MPP7: variants seen among roughly 807,000 people sequenced by gnomAD.
MPP7 encodes MAGUK p55 scaffold protein 7, also known as MAGUK p55 subfamily member 7.
In MPP7, 60 loss-of-function variants were observed where a neutral mutation model predicts 76.5. The observed-to-expected ratio is 0.78, with a 90% confidence interval of 0.64 to 0.97. The LOEUF (loss-of-function observed/expected upper bound fraction) is 0.97. Among genes scored for constraint, MPP7 ranks in the 50% least tolerant of loss-of-function variants. The pLI is 0.00. For synonymous variants in MPP7, 237 were observed against 244.5 expected, an observed-to-expected ratio of 0.97 and a Z score of 0.29; for missense variants, 641 against 694.0, an observed-to-expected ratio of 0.92 and a Z score of 0.86.
intron 1 of MPP7, among the ~76,000 whole-genome samples, chr10:28,300,319 G>A (rs1841126623): frequency 6.6e-6 from 1 of 152,076 alleles, no homozygotes; most frequent in African/African-American, 2.4e-5. Context: ...CAAAGCTTCA[G>A]GTAAGAATAC....
intron 11 of MPP7, among the ~76,000 whole-genome samples, chr10:28,108,360 T>C (rs1345007193): frequency 6.6e-6 from 1 of 152,112 alleles, no homozygotes; most frequent in African/African-American, 2.4e-5. Flanking sequence ...AGCTGATCTC[T>C]AAATGTGTTT....
At chr10:28,207,415 G>A (rs1470653017) in intron 2 of MPP7, among the ~76,000 whole-genome samples, 3 of 152,128 alleles carry the variant, frequency 2.0e-5, no homozygotes, top group African/African-American at 7.2e-5. Flanking sequence ...TTATATTGGG[G>A]GCTGGGCACA....
At chr10:28,304,390 T>G (rs1431904885), upstream of MPP7, among the ~76,000 whole-genome samples, 2 of 152,072 alleles carry the variant, frequency 1.3e-5, no homozygotes, top group African/African-American at 4.8e-5. Flanking sequence ...AAAATGGAGA[T>G]AGACAAAAAG....
At chr10:28,214,213 C>T (rs1417079631) in intron 2 of MPP7, among the ~76,000 whole-genome samples, 1 of 152,170 alleles carries the variant, frequency 6.6e-6, no homozygotes, top group African/African-American at 2.4e-5. Context: ...AACTTCTCCT[C>T]AAATTCTTTT....
chr10:28,186,415 G>C (rs1483973587), intron 3 of MPP7, among the ~76,000 whole-genome samples: 3 of 151,634 alleles, frequency 2.0e-5, no homozygotes, highest in African/African-American at 7.3e-5. Context: ...TTATAATTCA[G>C]TTCTATACTT....
chr10:28,202,198 G>C lies in MPP7; in HGVS notation c.111C>G (p.Phe37Leu). The C allele has an allele frequency of 1.2e-6, 2 of 1,613,792 alleles. No homozygotes were observed. The highest frequency in any genetic ancestry group is 2.2e-5 in the South Asian group (2 of 91,066). Residue 37 changes from phenylalanine (F) to leucine (L), a missense_variant, in exon 3 of 17, where the codon TTC becomes TTG. By Grantham distance (22) the Phe-to-Leu change is conservative. Coordinates refer to ENST00000683449, the MANE Select transcript of MPP7 (RefSeq NM_001318170.2). ...PHVDSQEDLT[F>L]LWDMFGEKSL... Reference sequence around the variant, plus strand: ...TTTTTTCACCAAACATATCCCAGAGGAAGGTCAGGTCTTCCTGGCTATCCA... The same window carrying C: ...TTTTTTCACCAAACATATCCCAGAGCAAGGTCAGGTCTTCCTGGCTATCCA...
chr10:28,298,788 T>C (rs750656621), intron 1 of MPP7, among the ~76,000 whole-genome samples: 54 of 152,224 alleles, frequency 3.5e-4, no homozygotes, highest in Non-Finnish European at 7.3e-4. Context: ...TGTAGCCACC[T>C]TCATCAGTGA....
rs572028459 is a variant in MPP7, at chr10:28,153,804, G to A, written c.157-3745C>T. ...TGTACAGACTCCACCATGGTCATCT[G>A]CATTACATTACATTAAGTAAACTAA... On this transcript the variant is annotated intron_variant, in intron 3 of 16. Transcript: ENST00000683449. 3.7e-4 allele frequency among the ~76,000 whole-genome samples: 57 copies of A among 152,182 alleles called. No individual in the cohort carries two copies. In the South Asian group the frequency reaches 7.7e-3, roughly 21 times the overall value.
chr10:28,082,430 T>TCTCCTCCTTC (rs1173626378), intron 12 of MPP7, among the ~76,000 whole-genome samples: 1 of 151,144 alleles, frequency 6.6e-6, no homozygotes, highest in Non-Finnish European at 1.5e-5. Flanking sequence ...CTTCTCTCCT[T>TCTCCTCCTTC]CTCCTCCTTC....
At chr10:28,327,574 T>C (rs1564773829) in intron 2 of MPP7, among the ~76,000 whole-genome samples, 1 of 152,224 alleles carries the variant, frequency 6.6e-6, no homozygotes, top group Non-Finnish European at 1.5e-5. Context: ...TTATCTGAGT[T>C]CTAGTTTATT....
chr10:28,303,116 G>A (rs1191661334), upstream of MPP7, among the ~76,000 whole-genome samples: 1 of 150,138 alleles, frequency 6.7e-6, no homozygotes, highest in Non-Finnish European at 1.5e-5. Flanking sequence ...GCGGGGCGGG[G>A]CTGCACCGCC....
At chr10:28,172,721 G>C (rs556661617) in intron 3 of MPP7, among the ~76,000 whole-genome samples, 1 of 152,286 alleles carries the variant, frequency 6.6e-6, no homozygotes, top group South Asian at 2.1e-4. Context: ...TTACACTAAT[G>C]ATTGCTTCTC....
chr10:28,278,947 A>AT (rs1237045452), intron 1 of MPP7, among the ~76,000 whole-genome samples: 2 of 152,026 alleles, frequency 1.3e-5, no homozygotes, highest in Non-Finnish European at 2.9e-5. Context: ...AAAAGGATCC[A>AT]TATCTCTTGC....
At chr10:28,125,872 C>A (rs1468669974) in intron 6 of MPP7, among the ~76,000 whole-genome samples, 1 of 152,184 alleles carries the variant, frequency 6.6e-6, no homozygotes, top group Non-Finnish European at 1.5e-5. Context: ...CTTGTAAGAA[C>A]AACAGGCACA....
At chr10:28,309,745 G>A (rs2368307) in intron 2 of MPP7, among the ~76,000 whole-genome samples, 54,312 of 151,892 alleles carry the variant, frequency 0.36, 9,970 homozygotes, top group East Asian at 0.54. Flanking sequence ...GGTCGTGGGG[G>A]CGGATCCCTC....
chr10:28,056,211 G>T (rs1179664121), intron 16 of MPP7, among the ~76,000 whole-genome samples: 1 of 152,028 alleles, frequency 6.6e-6, no homozygotes, highest in Non-Finnish European at 1.5e-5. Flanking sequence ...AGGCTGGAGT[G>T]TAGTAGTGTG....
chr10:28,053,262 T>C lies in MPP7; in HGVS notation c.*803A>G, dbSNP rs917657574. The C allele has an allele frequency of 1.3e-5, 2 of 152,192 alleles. No homozygotes were observed. The highest frequency in any genetic ancestry group is 6.5e-5 in the Admixed American group (1 of 15,278). The allele number at this position is 152,192 out of a possible 1,614,324, so 9.4% of individuals were successfully genotyped here. ...TAAAATAACATTTTGGGTGACTTCATAAATTGTCTTCTGAGGAATTACAAA... is the reference window on the plus strand; with the variant it reads ...TAAAATAACATTTTGGGTGACTTCACAAATTGTCTTCTGAGGAATTACAAA... On this transcript the variant is annotated 3_prime_UTR_variant, in exon 17 of 17. Coordinates refer to ENST00000683449, the MANE Select transcript of MPP7 (RefSeq NM_001318170.2).
At chr10:28,288,488 A>C (rs1280698643) in intron 1 of MPP7, among the ~76,000 whole-genome samples, 1 of 152,064 alleles carries the variant, frequency 6.6e-6, no homozygotes, top group Non-Finnish European at 1.5e-5. Flanking sequence ...TGATCGTCCC[A>C]CCTCGGCCTC....
chr10:28,121,422 T>A (rs1438171467), intron 8 of MPP7, among the ~76,000 whole-genome samples: 2 of 151,336 alleles, frequency 1.3e-5, no homozygotes, highest in Admixed American at 1.3e-4. Flanking sequence ...AAAAAAAAAA[T>A]AAAGAACATT....
Sources: gnomAD v4.1 joint callset for allele counts (sites outside exome capture counted in the v4.1 genomes callset) on GRCh38, gnomAD v4.1.1 for gene constraint, MANE v1.5 for transcripts, NCBI Gene and HGNC (gene_info 2026-07-23, HGNC 2026-07-21) for gene names.